Variants in WDR59 observed in about 807,000 individuals in gnomAD.
The protein encoded by WDR59 is WD repeat domain 59.
In WDR59, 100 loss-of-function variants were observed where a neutral mutation model predicts 131.2. That is an observed-to-expected ratio of 0.76 (90% CI 0.65 to 0.90). The LOEUF (loss-of-function observed/expected upper bound fraction) is 0.90, where lower values mean the gene tolerates loss of function less well. Ranked by LOEUF, WDR59 falls within the 40% of genes least tolerant of loss-of-function variation. The pLI, the probability that WDR59 is intolerant of heterozygous loss-of-function variation, is 0.00. For synonymous variants in WDR59, 601 were observed against 466.2 expected, an observed-to-expected ratio of 1.29 and a Z score of -3.72; for missense variants, 1,203 against 1,262.2, an observed-to-expected ratio of 0.95 and a Z score of 0.71.
intron 25 of WDR59, among the ~76,000 whole-genome samples, chr16:74,885,269 G>A (rs1300578055): frequency 1.3e-5 from 2 of 151,460 alleles, no homozygotes; most frequent in East Asian, 1.9e-4. Context: ...CCTGGCCAAC[G>A]TGGTAAAACC....
In WDR59 at chr16:74,909,569, G is replaced by A. The variant is rs1475226264; in HGVS notation, c.1574C>T (p.Ala525Val). Residue 525 changes from alanine to valine, a missense_variant, in exon 16 of 26, where the codon GCT becomes GTT. Transcript: ENST00000262144. ...PLPTFARVTT[A>V]YGSYQDANIP... ...GTTGGCGTCCTGGTACGACCCGTAAGCCGTGGTCACCCGCGCAAACGTCGG... is the reference window on the plus strand; with the variant it reads ...GTTGGCGTCCTGGTACGACCCGTAAACCGTGGTCACCCGCGCAAACGTCGG... 2 of 1,611,062 alleles carry A rather than the reference G, an allele frequency of 1.2e-6. No homozygotes were observed. The highest frequency in any genetic ancestry group is 2.7e-5 in the African/African-American group (2 of 74,778).
intron 18 of WDR59, among the ~76,000 whole-genome samples, chr16:74,897,285 C>G (rs1475760976): frequency 6.6e-6 from 1 of 152,200 alleles, no homozygotes; most frequent in Non-Finnish European, 1.5e-5. Context: ...GACCAAGATG[C>G]TGCATTTCAG....
Position 74,917,979 on chromosome 16 carries a change from A to G in WDR59, c.916T>C (p.Ser306Pro), listed in dbSNP as rs553877006. 1 of 1,614,030 alleles carries G rather than the reference A, an allele frequency of 6.2e-7. No individual in the cohort carries two copies. The highest frequency in any genetic ancestry group is 8.5e-7 in the Non-Finnish European group (1 of 1,179,962). The change falls in exon 11 of 26, where the codon TCC becomes CCC. Residue 306 changes from serine (S) to proline (P), a missense_variant. By Grantham distance (74) the Ser-to-Pro change is moderately conservative. Transcript: ENST00000262144. Reference protein sequence around the residue: ...GSKDYQLVTWSRDQTLRMWRV... With the variant: ...GSKDYQLVTWPRDQTLRMWRV... ...CACATTCTCAAGGTCTGATCCCGGG[A>G]CCACGTCACCAGTTGATAGTCCTTG... is the stretch of plus-strand genomic sequence containing the variant.
At chr16:74,929,207 T>G (rs2031155212) in intron 8 of WDR59, among the ~76,000 whole-genome samples, 1 of 152,180 alleles carries the variant, frequency 6.6e-6, no homozygotes, top group South Asian at 2.1e-4. Flanking sequence ...TCCGAATAGC[T>G]GGGACTACAG....
rs575958685 is a variant in WDR59 at position 74,984,447 on chromosome 16, C to G, written c.54+517G>C. 1.2e-3 allele frequency among the ~76,000 whole-genome samples: 183 copies of G among 152,278 alleles called. 1 individual carries two copies. Among genetic ancestry groups the G allele is most frequent in the South Asian group, 6.2e-3 (30 of 4,830 alleles). On this transcript the variant is annotated intron_variant, in intron 1 of 25. Coordinates refer to ENST00000262144, the MANE Select transcript of WDR59 (RefSeq NM_030581.4). ...CTCGGGCAACACGTGCAGTGTCACT[C>G]CTATCCACTACACGGTATTTTCCAG... is the stretch of plus-strand genomic sequence containing the variant.
intron 3 of WDR59, among the ~76,000 whole-genome samples, chr16:74,952,531 G>A (rs1397645247): frequency 6.6e-6 from 1 of 150,444 alleles, no homozygotes; most frequent in Non-Finnish European, 1.5e-5. Flanking sequence ...AACACTCCTT[G>A]AAATAATGCC....
At chr16:74,934,359 A>G (rs1187773036) in intron 8 of WDR59, among the ~76,000 whole-genome samples, 1 of 152,160 alleles carries the variant, frequency 6.6e-6, no homozygotes, top group Admixed American at 6.6e-5. Context: ...AAATATGTTC[A>G]CCAACTGGTG....
intron 6 of WDR59, among the ~76,000 whole-genome samples, chr16:74,943,198 C>A (rs566834535): frequency 4.0e-5 from 6 of 151,566 alleles, no homozygotes; most frequent in Non-Finnish European, 7.4e-5. Context: ...GACACCTGCT[C>A]GCACTCCTAA....
intron 25 of WDR59, among the ~76,000 whole-genome samples, chr16:74,876,201 T>C (rs775392340): frequency 4.6e-5 from 7 of 152,198 alleles, no homozygotes; most frequent in Non-Finnish European, 1.0e-4. Flanking sequence ...CCTAAGGGCA[T>C]ATTTTATGAT....
At chr16:74,934,605 C>G (rs2031652920) in intron 8 of WDR59, among the ~76,000 whole-genome samples, 1 of 152,054 alleles carries the variant, frequency 6.6e-6, no homozygotes, top group Non-Finnish European at 1.5e-5. Flanking sequence ...TTTCATTTAC[C>G]CTTTTCTAAG....
chr16:74,879,235 G>T (rs895643782), intron 25 of WDR59, among the ~76,000 whole-genome samples: 6 of 152,182 alleles, frequency 3.9e-5, no homozygotes, highest in African/African-American at 1.4e-4. Context: ...GTGTATGCCT[G>T]TGGTCCCAGC....
intron 25 of WDR59, among the ~76,000 whole-genome samples, chr16:74,875,105 A>C (rs28623000): frequency 6.6e-6 from 1 of 152,170 alleles, no homozygotes; most frequent in South Asian, 2.1e-4. Flanking sequence ...TGAATGACTC[A>C]GCAGTAACAC....
At position 74,890,206 on chromosome 16, in the gene WDR59, C is replaced by T. The variant is rs186634403; in HGVS notation, c.2083-391G>A. Among the ~76,000 whole-genome samples, 29 of 152,208 alleles carry T rather than the reference C, an allele frequency of 1.9e-4. 1 individual carries two copies. In the East Asian group the frequency reaches 5.0e-3, roughly 26 times the overall value. On this transcript the variant is annotated intron_variant, in intron 20 of 25. Transcript: ENST00000262144. ...CGCTCTGTCGCCCAGGCTGGAGTGC[C>T]GTGGCACAATCACAGCTCACTGCCA...
At chr16:74,951,102 G>A (rs1347291335) in intron 4 of WDR59, among the ~76,000 whole-genome samples, 2 of 147,198 alleles carry the variant, frequency 1.4e-5, no homozygotes, top group East Asian at 2.0e-4. Flanking sequence ...GGTGGTTGCA[G>A]TGAGCCAAGA....
chr16:74,890,244 G>A (rs1281787586), intron 20 of WDR59, among the ~76,000 whole-genome samples: 1 of 152,128 alleles, frequency 6.6e-6, no homozygotes, highest in African/African-American at 2.4e-5. Context: ...TCTGCCTCCT[G>A]GGTTCAAGCC....
At chr16:74,925,290 C>T (rs2030664865) in intron 8 of WDR59, among the ~76,000 whole-genome samples, 1 of 152,268 alleles carries the variant, frequency 6.6e-6, no homozygotes, top group African/African-American at 2.4e-5. Flanking sequence ...AATCCCAGCA[C>T]TTTGGGAGGC....
At chr16:74,976,125 C>G (rs1269147183) in intron 1 of WDR59, among the ~76,000 whole-genome samples, 2 of 152,172 alleles carry the variant, frequency 1.3e-5, no homozygotes, top group Non-Finnish European at 2.9e-5. Context: ...TTGTATGAAA[C>G]TAAAAAAGTA....
chr16:74,886,097 G>C, intron 24 of WDR59, 173 bp downstream of exon 24: 1 of 843,282 alleles, frequency 1.2e-6, no homozygotes, highest in Non-Finnish European at 1.8e-6. Flanking sequence ...AGAATCACTT[G>C]AGCCTGGGAA....
At chr16:74,984,862 C>T in intron 1 of WDR59, 102 bp downstream of exon 1, 5 of 1,508,946 alleles carry the variant, frequency 3.3e-6, no homozygotes, top group Non-Finnish European at 4.5e-6. Context: ...CAGTACGGGG[C>T]CTAGGGTCTC....
Sources: gnomAD v4.1 joint callset for allele counts (sites outside exome capture counted in the v4.1 genomes callset) on GRCh38, gnomAD v4.1.1 for gene constraint, MANE v1.5 for transcripts, NCBI Gene and HGNC (gene_info 2026-07-23, HGNC 2026-07-21) for gene names.